Variants in TNIK observed in about 807,000 individuals in gnomAD.
TNIK encodes the protein TRAF2 and NCK-interacting protein kinase.
A neutral mutation model predicts 191.3 loss-of-function variants in TNIK; 49 were observed. That is an observed-to-expected ratio of 0.26 (90% CI 0.20 to 0.32). TNIK has a LOEUF of 0.32. TNIK is among the 10% of genes least tolerant of loss of function. The probability of loss-of-function intolerance (pLI) is 1.00; values close to 1 mark genes in which losing one functional copy is unlikely to be tolerated. For synonymous variants in TNIK, 594 were observed against 600.9 expected, an observed-to-expected ratio of 0.99 and a Z score of 0.17; for missense variants, 1,155 against 1,702.3, an observed-to-expected ratio of 0.68 and a Z score of 5.66.
intron 2 of TNIK, among the ~76,000 whole-genome samples, chr3:171,261,200 C>G (rs1029670972): frequency 6.6e-6 from 1 of 152,234 alleles, no homozygotes. Context: ...CCCTTTGTGG[C>G]TATAGCATTT....
At chr3:171,199,013 T>C (rs1441946844) in intron 4 of TNIK, among the ~76,000 whole-genome samples, 1 of 152,130 alleles carries the variant, frequency 6.6e-6, no homozygotes, top group Non-Finnish European at 1.5e-5. Context: ...GGAAGCCCAG[T>C]GACTCGAGTC....
At chr3:171,143,643 C>G (rs1243616266) in intron 12 of TNIK, among the ~76,000 whole-genome samples, 2 of 152,090 alleles carry the variant, frequency 1.3e-5, no homozygotes, top group Non-Finnish European at 2.9e-5. Context: ...TATATCTTAC[C>G]AACTTTGCAA....
chr3:171,219,936 T>C lies in TNIK; in HGVS notation c.180+8229A>G, dbSNP rs138413632. On this transcript the variant is annotated intron_variant, in intron 3 of 32. Transcript: ENST00000436636. ...TAAATCATTCTACTGTAAAGACACA[T>C]GCACATGTATGTTTATTGTGGCACT... 6.3e-3 allele frequency among the ~76,000 whole-genome samples: 956 copies of C among 152,282 alleles called. 12 individuals carry two copies. Among genetic ancestry groups the C allele is most frequent in the African/African-American group, 0.022 (917 of 41,546 alleles).
In TNIK at chr3:171,412,299, C is replaced by T. The variant is rs535881842; in HGVS notation, c.58-42614G>A. 1.3e-4 allele frequency among the ~76,000 whole-genome samples: 20 copies of T among 152,098 alleles called. 1 individual carries two copies. In the South Asian group the frequency reaches 1.5e-3, roughly 11 times the overall value. Reference sequence around the variant, plus strand: ...GAGAGGAAGAGGTGAGCAGCAGCAACGTGGAAACTGGGTTAAGAAAACCCC... The same window carrying T: ...GAGAGGAAGAGGTGAGCAGCAGCAATGTGGAAACTGGGTTAAGAAAACCCC... On this transcript the variant is annotated intron_variant, in intron 1 of 32. Transcript: ENST00000436636.
rs1218806527 is a variant in TNIK at position 171,196,337 on chromosome 3, G to GA, written c.307-1703dup. 3.9e-5 allele frequency among the ~76,000 whole-genome samples: 6 copies of GA among 151,936 alleles called. No individual in the cohort carries two copies. The East Asian group carries it at 1.2e-3, about 29-fold the overall frequency. Reference sequence around the variant, plus strand: ...CTGTTAACATTTTAAAAAGTAAATAGAAAAAAATAAATAAATAAAAAAGTA... The same window carrying GA: ...CTGTTAACATTTTAAAAAGTAAATAGAAAAAAAATAAATAAATAAAAAAGTA... On this transcript the variant is annotated intron_variant, in intron 4 of 32. Coordinates refer to ENST00000436636, the MANE Select transcript of TNIK (RefSeq NM_015028.4).
chr3:171,169,240 C>T (rs1734987259), intron 9 of TNIK, among the ~76,000 whole-genome samples: 1 of 151,358 alleles, frequency 6.6e-6, no homozygotes, highest in Non-Finnish European at 1.5e-5. Flanking sequence ...TTCTTGCTGG[C>T]AACTAGAAGG....
At chr3:171,364,080 G>A (rs1486408395) in intron 2 of TNIK, among the ~76,000 whole-genome samples, 4 of 152,114 alleles carry the variant, frequency 2.6e-5, no homozygotes, top group African/African-American at 7.2e-5. Context: ...CTGGAGGTGC[G>A]GTCCCAGGAC....
intron 2 of TNIK, among the ~76,000 whole-genome samples, chr3:171,339,729 T>A (rs1230620194): frequency 6.6e-6 from 1 of 152,206 alleles, no homozygotes; most frequent in Non-Finnish European, 1.5e-5. Flanking sequence ...CTCCACAAGC[T>A]CTCTGGATGT....
At chr3:171,459,236 A>T (rs935629980) in intron 1 of TNIK, among the ~76,000 whole-genome samples, 6 of 152,024 alleles carry the variant, frequency 3.9e-5, no homozygotes, top group Admixed American at 3.3e-4. Flanking sequence ...ACACACACAC[A>T]CACACACTCG....
intron 1 of TNIK, among the ~76,000 whole-genome samples, chr3:171,433,352 T>C (rs531250092): frequency 2.0e-5 from 3 of 152,238 alleles, no homozygotes; most frequent in African/African-American, 7.2e-5. Flanking sequence ...TTTCAAGTGA[T>C]ACAGCAAAAA....
intron 2 of TNIK, among the ~76,000 whole-genome samples, chr3:171,357,801 C>T (rs1057146333): frequency 1.3e-5 from 2 of 152,050 alleles, no homozygotes; most frequent in African/African-American, 2.4e-5. Context: ...GGGCACAGCA[C>T]GGATAAACAG....
At chr3:171,242,789 A>G (rs140950637) in intron 2 of TNIK, among the ~76,000 whole-genome samples, 152 of 152,292 alleles carry the variant, frequency 1.0e-3, no homozygotes, top group African/African-American at 3.4e-3. Context: ...TGAGCATTCA[A>G]CGGTTCATGG....
At chr3:171,309,213 T>C (rs1560408342) in intron 2 of TNIK, among the ~76,000 whole-genome samples, 1 of 152,236 alleles carries the variant, frequency 6.6e-6, no homozygotes, top group Non-Finnish European at 1.5e-5. Context: ...TGGAATACTA[T>C]GCATCCATGA....
Position 171,093,829 on chromosome 3 carries a change from A to G in TNIK, c.2721+10T>C, listed in dbSNP as rs750059637. 93 of 1,612,892 alleles carry G rather than the reference A, an allele frequency of 5.8e-5. No homozygotes were observed. The highest frequency in any genetic ancestry group is 7.2e-5 in the Non-Finnish European group (85 of 1,179,380). ...GGCATTTCCTCTACACAGTTTTTATACCAACTTACCTCTCTAATCATCAAG... is the reference window on the plus strand; with the variant it reads ...GGCATTTCCTCTACACAGTTTTTATGCCAACTTACCTCTCTAATCATCAAG... On this transcript the variant is annotated intron_variant, in intron 23 of 32. Transcript: ENST00000436636.
intron 12 of TNIK, among the ~76,000 whole-genome samples, chr3:171,147,988 C>T (rs1431178780): frequency 1.3e-5 from 2 of 152,080 alleles, no homozygotes; most frequent in Non-Finnish European, 2.9e-5. Flanking sequence ...TGTTACCTAC[C>T]TTAAAGCTAC....
At chr3:171,205,950 A>T (rs1577116798) in intron 4 of TNIK, among the ~76,000 whole-genome samples, 1 of 152,220 alleles carries the variant, frequency 6.6e-6, no homozygotes, top group East Asian at 1.9e-4. Flanking sequence ...TCCTAATACC[A>T]TCACATTGAA....
At chr3:171,435,810 T>C (rs548218664) in intron 1 of TNIK, among the ~76,000 whole-genome samples, 5 of 152,306 alleles carry the variant, frequency 3.3e-5, no homozygotes, top group African/African-American at 1.2e-4. Context: ...TATTGCTTAT[T>C]AATAAATAAT....
chr3:171,096,867 A>T (rs1722794487), intron 22 of TNIK, among the ~76,000 whole-genome samples: 1 of 152,222 alleles, frequency 6.6e-6, no homozygotes, highest in African/African-American at 2.4e-5. Flanking sequence ...AATGTCTAAC[A>T]GAGATTTCAT....
intron 22 of TNIK, among the ~76,000 whole-genome samples, chr3:171,095,908 G>GA (rs1001687738): frequency 2.6e-5 from 4 of 150,958 alleles, no homozygotes; most frequent in East Asian, 3.9e-4. Flanking sequence ...CAGAGACATG[G>GA]AAAAAAAAAT....
Sources: allele counts gnomAD v4.1 joint callset (sites outside exome capture counted in the v4.1 genomes callset), GRCh38; gene constraint gnomAD v4.1.1; transcripts MANE v1.5; gene names NCBI Gene and HGNC (gene_info 2026-07-23, HGNC 2026-07-21).